KANK1: variants seen among roughly 807,000 people sequenced by gnomAD.
KANK1 encodes KN motif and ankyrin repeat domains 1.
A neutral mutation model predicts 106.2 loss-of-function variants in KANK1; 109 were observed. The observed-to-expected ratio is 1.03, with a 90% CI of 0.88 to 1.20. KANK1 has a LOEUF of 1.20. Among genes scored for constraint, KANK1 ranks in the 50% most tolerant of loss-of-function variants. KANK1 has a pLI of 0.00. For missense variants in KANK1, 2,399 were observed against 1,710.7 expected, an observed-to-expected ratio of 1.40 and a Z score of -7.10; for synonymous variants, 873 against 652.2, an observed-to-expected ratio of 1.34 and a Z score of -5.16.
At chr9:557,484 C>T (rs2061667813) in intron 1 of KANK1, among the ~76,000 whole-genome samples, 1 of 152,124 alleles carries the variant, frequency 6.6e-6, no homozygotes, top group African/African-American at 2.4e-5. Context: ...CCAGATGTTT[C>T]TAAATGAACT....
intron 3 of KANK1, chr9:495,595 A>G (rs1467978648): frequency 6.6e-6 from 1 of 152,176 alleles, no homozygotes; most frequent in African/African-American, 2.4e-5. Context: ...ATTGAATATA[A>G]CTAACTCTAA....
intron 1 of KANK1, among the ~76,000 whole-genome samples, chr9:580,731 C>T (rs548224187): frequency 1.4e-3 from 211 of 152,376 alleles, no homozygotes; most frequent in African/African-American, 4.5e-3. Flanking sequence ...GCACTGGGGC[C>T]GCAGGCGGAG....
chr9:704,077 T>C (rs771425606), intron 2 of KANK1, among the ~76,000 whole-genome samples: 1 of 152,210 alleles, frequency 6.6e-6, no homozygotes, highest in Admixed American at 6.5e-5. Context: ...ATTGTAACAC[T>C]TTTCCAGTTA....
In KANK1 at chr9:537,018, C is replaced by G. The variant is rs572131742; in HGVS notation, c.-84+32264C>G. On this transcript the variant is annotated intron_variant, in intron 1 of 11. Transcript: ENST00000382297. The stretch of plus-strand genomic sequence containing the variant: ...AAGACTGGAAGCTACCTCCTTCTCT[C>G]TTTTAGGACAAGGAAGCGAGAGAGA... Among the ~76,000 whole-genome samples, 8 of 152,274 alleles carry G rather than the reference C, an allele frequency of 5.3e-5. No homozygotes were observed. The East Asian group carries it at 7.7e-4, about 15-fold the overall frequency.
At chr9:659,084 A>G (rs74608940) in intron 1 of KANK1, among the ~76,000 whole-genome samples, 1,988 of 152,292 alleles carry the variant, frequency 0.013, 45 homozygotes, top group African/African-American at 0.046. Flanking sequence ...GTTCGTGCCT[A>G]TAAGCCTCAA....
intron 8 of KANK1, among the ~76,000 whole-genome samples, chr9:739,039 A>G (rs1834604446): frequency 6.6e-6 from 1 of 152,222 alleles, no homozygotes. Flanking sequence ...TATTGGGGAA[A>G]CAGCATAGAG....
intron 1 of KANK1, among the ~76,000 whole-genome samples, chr9:521,293 G>T (rs2059538451): frequency 6.6e-6 from 1 of 151,602 alleles, no homozygotes; most frequent in South Asian, 2.1e-4. Flanking sequence ...TCCTTTTTAT[G>T]AGGTGTGGGG....
intron 1 of KANK1, among the ~76,000 whole-genome samples, chr9:601,502 T>G (rs1827735474): frequency 6.6e-6 from 1 of 151,886 alleles, no homozygotes; most frequent in Admixed American, 6.6e-5. Flanking sequence ...TGTTTACCTT[T>G]AAGTTATGCT....
intron 1 of KANK1, among the ~76,000 whole-genome samples, chr9:545,774 G>A (rs72689627): frequency 2.4e-5 from 3 of 127,022 alleles, no homozygotes; most frequent in African/African-American, 3.1e-5. Flanking sequence ...ATGTAGTCTC[G>A]CTGCTCTGTC....
intron 1 of KANK1, among the ~76,000 whole-genome samples, chr9:535,787 C>G (rs1303665813): frequency 6.6e-6 from 1 of 152,192 alleles, no homozygotes; most frequent in Non-Finnish European, 1.5e-5. Context: ...TATGTTCTCT[C>G]TACCATGCTC....
Position 745,244 on chromosome 9 carries a change from A to C in KANK1, c.*9A>C, listed in dbSNP as rs1223093396. ...GAGGTTCATTTGATTGATTGTATGC[A>C]AATAGCCCTTTATTTACATGCCACT... On this transcript the variant is annotated 3_prime_UTR_variant, in exon 12 of 12. Coordinates refer to ENST00000382297, the MANE Select transcript of KANK1 (RefSeq NM_015158.5). 5.0e-6 allele frequency: 8 copies of C among 1,614,058 alleles called. No homozygotes were observed. In the East Asian group the frequency reaches 1.6e-4, roughly 31 times the overall value.
intron 2 of KANK1, among the ~76,000 whole-genome samples, chr9:701,975 A>T (rs1194663217): frequency 1.3e-5 from 2 of 152,162 alleles, no homozygotes; most frequent in Non-Finnish European, 2.9e-5. Flanking sequence ...TGAGGCAGTA[A>T]ATTGGGCCCC....
intron 1 of KANK1, among the ~76,000 whole-genome samples, chr9:531,603 T>C (rs979803152): frequency 3.9e-5 from 6 of 152,196 alleles, no homozygotes; most frequent in Admixed American, 3.3e-4. Context: ...TCATTTGAGA[T>C]GCAACTCTTG....
In KANK1 at chr9:742,206, C is replaced by A; in HGVS notation, c.3698C>A (p.Ala1233Glu). The change falls in exon 10 of 12, where the codon GCG becomes GAG. Residue 1233 changes from alanine (A) to glutamate (E), a missense_variant and splice_region_variant. Ala to Glu is a moderately radical substitution (Grantham distance 107). Transcript: ENST00000382297. ...AGTCCTTGTCATCTCTTCCCATAGG[C>A]GGGACAGACGGCCCTCATGCTGGCG... is the stretch of plus-strand genomic sequence containing the variant. ...CGDVNAKASQ[A>E]GQTALMLAVS... 1.2e-6 allele frequency: 2 copies of A among 1,613,810 alleles called. No individual in the cohort carries two copies. The highest frequency in any genetic ancestry group is 1.7e-6 in the Non-Finnish European group (2 of 1,179,792).
intron 8 of KANK1, among the ~76,000 whole-genome samples, chr9:739,383 C>T (rs1564128623): frequency 6.6e-6 from 1 of 152,218 alleles, no homozygotes; most frequent in East Asian, 1.9e-4. Flanking sequence ...TCTTCATCCA[C>T]TGTCCAATCT....
intron 1 of KANK1, among the ~76,000 whole-genome samples, chr9:516,290 A>G (rs1209036282): frequency 1.3e-5 from 2 of 151,636 alleles, no homozygotes; most frequent in African/African-American, 4.9e-5. Flanking sequence ...TTGGAGTTAT[A>G]CTTCAGGAGT....
intron 3 of KANK1, among the ~76,000 whole-genome samples, chr9:719,547 A>G (rs1327930366): frequency 6.6e-6 from 1 of 152,214 alleles, no homozygotes; most frequent in Non-Finnish European, 1.5e-5. Flanking sequence ...AGATCAGCAT[A>G]CCAGAACAGT....
rs745667703 is a variant in KANK1 at position 624,781 on chromosome 9, A to G, written c.-83-52109A>G. 1.6e-4 allele frequency among the ~76,000 whole-genome samples: 24 copies of G among 152,174 alleles called. 2 individuals carry two copies. Among genetic ancestry groups the G allele is most frequent in the Non-Finnish European group, 1.5e-5 (1 of 68,036 alleles). ...GCCACTGTACCCCAGCCTGGGTGACAGAGCGAGACTCTGTCTCAAAAAACA... is the reference window on the plus strand; with the variant it reads ...GCCACTGTACCCCAGCCTGGGTGACGGAGCGAGACTCTGTCTCAAAAAACA... On this transcript the variant is annotated intron_variant, in intron 1 of 11. Transcript: ENST00000382297.
At chr9:614,118 A>G (rs1416579490) in intron 1 of KANK1, among the ~76,000 whole-genome samples, 1 of 152,206 alleles carries the variant, frequency 6.6e-6, no homozygotes, top group African/African-American at 2.4e-5. Context: ...GTTTCCAGCC[A>G]CTTGTCCTTG....
Sources: gnomAD v4.1 joint callset for allele counts (sites outside exome capture counted in the v4.1 genomes callset) on GRCh38, gnomAD v4.1.1 for gene constraint, MANE v1.5 for transcripts, NCBI Gene and HGNC (gene_info 2026-07-23, HGNC 2026-07-21) for gene names.